Variants in CNPY1 observed in about 807,000 individuals in gnomAD.
The protein encoded by CNPY1 is protein canopy homolog 1.
A neutral mutation model predicts 14.4 loss-of-function variants in CNPY1; 14 were observed. The observed-to-expected ratio is 0.97, with a 90% confidence interval of 0.64 to 1.52. The LOEUF (loss-of-function observed/expected upper bound fraction) is 1.52. Among genes scored for constraint, CNPY1 ranks in the 40% most tolerant of loss-of-function variants. The pLI, the probability that CNPY1 is intolerant of heterozygous loss-of-function variation, is 0.00. For missense variants in CNPY1, 129 were observed against 131.5 expected (o/e 0.98, Z 0.09); for synonymous variants, 43 against 46.5 (o/e 0.92, Z 0.31).
At chr7:155,534,381 GCATAGACACACATGCA>G (rs1796997534) in intron 2 of CNPY1, among the ~76,000 whole-genome samples, 1 of 151,788 alleles carries the variant, frequency 6.6e-6, no homozygotes, top group Non-Finnish European at 1.5e-5. Context: ...ACACACGCAT[GCATAGACACACATGCA>G]CGTGTACACA....
In CNPY1 at chr7:155,536,950, G is replaced by A. The variant is rs1424336051; in HGVS notation, c.99+8881C>T. 2.0e-5 allele frequency among the ~76,000 whole-genome samples: 3 copies of A among 152,152 alleles called. No homozygotes were observed. The highest frequency in any genetic ancestry group is 4.4e-5 in the Non-Finnish European group (3 of 68,036). On this transcript the variant is annotated intron_variant, in intron 2 of 4. Transcript: ENST00000636446. The surrounding 1 kb of genome is among the most constrained non-coding windows in gnomAD (Gnocchi z 4.1). The stretch of plus-strand genomic sequence containing the variant: ...TAAAAGAGAAATAAAATAGAAGATG[G>A]TACACAATAAAAGCCACCAAATAAA...
At chr7:155,543,341 G>A (rs1470580183) in intron 2 of CNPY1, among the ~76,000 whole-genome samples, 1 of 152,140 alleles carries the variant, frequency 6.6e-6, no homozygotes, top group East Asian at 1.9e-4. Context: ...TGAGCTGCTG[G>A]GTGGAAGGAG....
intron 2 of CNPY1, among the ~76,000 whole-genome samples, chr7:155,521,054 AGAAGGAAGGAAG>A (rs58757238): frequency 2.7e-5 from 4 of 148,466 alleles, no homozygotes; most frequent in African/African-American, 5.0e-5. Context: ...AAAAAAAGAA[AGAAGGAAGGAAG>A]GAAGGAAGGA....
At chr7:155,505,560 C>A (rs1057370534) in intron 4 of CNPY1, among the ~76,000 whole-genome samples, 1 of 152,142 alleles carries the variant, frequency 6.6e-6, no homozygotes, top group African/African-American at 2.4e-5. Flanking sequence ...TCTTATTATT[C>A]GGGGTGACTA....
At chr7:155,506,650 A>T (rs1796321024) in intron 4 of CNPY1, 1 of 200,690 alleles carries the variant, frequency 5.0e-6, no homozygotes, top group Non-Finnish European at 1.0e-5. Flanking sequence ...CAAGCCATGA[A>T]GTGAGGGTCT....
At chr7:155,539,224 C>T (rs1389639663) in intron 2 of CNPY1, among the ~76,000 whole-genome samples, 3 of 152,298 alleles carry the variant, frequency 2.0e-5, no homozygotes, top group Admixed American at 2.0e-4. Context: ...CTTCCTAAAT[C>T]AAATATCTTT....
chr7:155,539,302 C>T (rs1446773689), intron 2 of CNPY1, among the ~76,000 whole-genome samples: 1 of 152,176 alleles, frequency 6.6e-6, no homozygotes, highest in Non-Finnish European at 1.5e-5. Flanking sequence ...ACATGACCCA[C>T]TTCTTACACC....
intron 2 of CNPY1, among the ~76,000 whole-genome samples, chr7:155,543,734 G>T (rs554391550): frequency 6.6e-6 from 1 of 152,282 alleles, no homozygotes. Context: ...ACCCACCCGC[G>T]CGCCTACAGG....
chr7:155,527,608 A>ATTT (rs750783721), intron 2 of CNPY1, among the ~76,000 whole-genome samples: 5 of 135,712 alleles, frequency 3.7e-5, no homozygotes, highest in African/African-American at 8.2e-5. Context: ...CACCCTGCTA[A>ATTT]TTTTTTTTTT....
Position 155,502,997 on chromosome 7 carries a change from C to A in CNPY1, c.*71G>T. 1 of 1,376,296 alleles carries A rather than the reference C, an allele frequency of 7.3e-7. No homozygotes were observed. The highest frequency in any genetic ancestry group is 1.0e-6 in the Non-Finnish European group (1 of 987,558). The allele number at this position is 1,376,296 out of a possible 1,614,324, so 85.3% of individuals were successfully genotyped here. The stretch of plus-strand genomic sequence containing the variant: ...TTTTCTTATCATGAAAGACAACATG[C>A]AAACATAAAATGCAGACATTGACCT... On this transcript the variant is annotated 3_prime_UTR_variant, in exon 5 of 5. Transcript: ENST00000636446.
chr7:155,518,522 C>G (rs1461962250), intron 2 of CNPY1: 2 of 152,168 alleles, frequency 1.3e-5, no homozygotes, highest in Admixed American at 1.3e-4. Context: ...CTACCAGTGT[C>G]TTGAGTGCTG....
intron 2 of CNPY1, among the ~76,000 whole-genome samples, chr7:155,522,116 C>T (rs1043894579): frequency 1.3e-5 from 2 of 152,262 alleles, no homozygotes; most frequent in African/African-American, 2.4e-5. Context: ...CGTGGAGAGT[C>T]GGGCTGTGCT....
intron 2 of CNPY1, among the ~76,000 whole-genome samples, chr7:155,525,033 C>T (rs1353561397): frequency 6.6e-6 from 1 of 152,146 alleles, no homozygotes; most frequent in Non-Finnish European, 1.5e-5. Flanking sequence ...TGGTGAACTA[C>T]CCCTAACTCC....
chr7:155,520,042 G>A (rs1253568286), intron 2 of CNPY1, among the ~76,000 whole-genome samples: 5 of 152,084 alleles, frequency 3.3e-5, no homozygotes, highest in African/African-American at 4.8e-5. Flanking sequence ...TTATTTTTGC[G>A]GAACATATTC....
At chr7:155,535,002 G>A (rs2116749933) in intron 2 of CNPY1, among the ~76,000 whole-genome samples, 1 of 152,328 alleles carries the variant, frequency 6.6e-6, no homozygotes, top group South Asian at 2.1e-4. Context: ...AAGGGAGGTT[G>A]AGACAGCCCA....
chr7:155,506,434 C>A (rs1796310739), intron 4 of CNPY1, among the ~76,000 whole-genome samples: 1 of 152,160 alleles, frequency 6.6e-6, no homozygotes, highest in Admixed American at 6.5e-5. Context: ...TTTCCAGCTT[C>A]TGAGTGTGTG....
chr7:155,534,082 A>T (rs952539699), intron 2 of CNPY1, among the ~76,000 whole-genome samples: 6 of 152,146 alleles, frequency 3.9e-5, no homozygotes, highest in Non-Finnish European at 8.8e-5. Context: ...GGACACTGAC[A>T]TGCCTGCCCT....
intron 2 of CNPY1, among the ~76,000 whole-genome samples, chr7:155,541,874 T>C (rs1475858346): frequency 2.0e-5 from 3 of 152,068 alleles, no homozygotes; most frequent in Non-Finnish European, 2.9e-5. Context: ...GGCAGCCCTA[T>C]AGAGGGGATG....
chr7:155,519,512 C>A (rs971858115), intron 2 of CNPY1, among the ~76,000 whole-genome samples: 1 of 148,212 alleles, frequency 6.7e-6, no homozygotes, highest in South Asian at 2.1e-4. Flanking sequence ...TGGAGCAAGA[C>A]CCTGTCTCAA....
Sources: allele counts gnomAD v4.1 joint callset (sites outside exome capture counted in the v4.1 genomes callset), GRCh38; gene constraint gnomAD v4.1.1; non-coding constraint Gnocchi (gnomAD v3.1); transcripts MANE v1.5; gene names NCBI Gene and HGNC (gene_info 2026-07-23, HGNC 2026-07-21).